PHEX: variants seen among roughly 807,000 people sequenced by gnomAD.
The protein encoded by PHEX is phosphate regulating endopeptidase X-linked, also known as phosphate-regulating neutral endopeptidase PHEX.
In PHEX, 16 loss-of-function variants were observed where a neutral mutation model predicts 68.0. That is an observed-to-expected ratio of 0.24 (90% CI 0.16 to 0.36). The LOEUF is 0.36. Ranked by LOEUF, PHEX falls within the 10% of genes least tolerant of loss-of-function variation. PHEX has a pLI of 1.00. For missense variants in PHEX, 480 were observed against 575.5 expected, an observed-to-expected ratio of 0.83 and a Z score of 1.70; for synonymous variants, 208 against 205.1, an observed-to-expected ratio of 1.01 and a Z score of -0.12.
chrX:22,180,084 T>C (rs1933838758), intron 14 of PHEX, among the ~76,000 whole-genome samples: 1 of 110,429 alleles, frequency 9.1e-6, no homozygotes, highest in Non-Finnish European at 1.9e-5. Flanking sequence ...TAGCTGTCGA[T>C]GTCTCCACTC....
chrX:22,174,212 G>A (rs1223210482), intron 13 of PHEX, among the ~76,000 whole-genome samples: 1 of 112,193 alleles, frequency 8.9e-6, no homozygotes, highest in East Asian at 2.8e-4. Context: ...TTGATTGAAA[G>A]TGATCATCAA....
chrX:22,130,997 C>T (rs1322796029), intron 11 of PHEX, among the ~76,000 whole-genome samples: 1 of 111,114 alleles, frequency 9.0e-6, no homozygotes, highest in Non-Finnish European at 1.9e-5. Flanking sequence ...CCGATGCCCA[C>T]GACGCAGGAT....
chrX:22,245,097 C>T (rs750740225), intron 20 of PHEX, among the ~76,000 whole-genome samples: 5 of 112,129 alleles, frequency 4.5e-5, no homozygotes, highest in African/African-American at 6.5e-5. Context: ...AAGCACTTGT[C>T]TGGAAACCTT....
At chrX:22,238,001 T>C (rs1290125237) in intron 20 of PHEX, among the ~76,000 whole-genome samples, 1 of 112,551 alleles carries the variant, frequency 8.9e-6, no homozygotes, top group East Asian at 2.8e-4. Flanking sequence ...AAGTTGGGTT[T>C]TGGGCCGGGC....
intron 1 of PHEX, among the ~76,000 whole-genome samples, chrX:22,036,532 T>C (rs1259018850): frequency 1.8e-5 from 2 of 111,179 alleles, no homozygotes; most frequent in African/African-American, 3.3e-5. Flanking sequence ...AAGAAGGTAT[T>C]GTCCAGAATT....
intron 3 of PHEX, among the ~76,000 whole-genome samples, chrX:22,056,736 T>C (rs1392916726): frequency 9.4e-6 from 1 of 106,770 alleles, no homozygotes; most frequent in Non-Finnish European, 1.9e-5. Flanking sequence ...CACTCCAGCC[T>C]GCGTGACAGA....
At chrX:22,224,993 G>GATTTATTATCATACA in intron 18 of PHEX, among the ~76,000 whole-genome samples, 3 of 99,033 alleles carry the variant, frequency 3.0e-5, no homozygotes, top group African/African-American at 7.4e-5. Context: ...AGCTCTGTAT[G>GATTTATTATCATACA]TCAGAAGTCT....
intron 14 of PHEX, among the ~76,000 whole-genome samples, chrX:22,185,059 A>G (rs917036469): frequency 8.9e-6 from 1 of 111,900 alleles, no homozygotes; most frequent in African/African-American, 3.2e-5. Flanking sequence ...AGGTGTACCA[A>G]TGTCTTTTTC....
intron 3 of PHEX, among the ~76,000 whole-genome samples, chrX:22,054,244 C>T (rs955456894): frequency 1.8e-5 from 2 of 111,643 alleles, no homozygotes; most frequent in African/African-American, 6.5e-5. Flanking sequence ...AGGTGATTCT[C>T]CTGCCTTGGC....
intron 2 of PHEX, among the ~76,000 whole-genome samples, chrX:22,043,385 G>A (rs1168141506): frequency 1.8e-5 from 2 of 112,134 alleles, no homozygotes; most frequent in East Asian, 5.5e-4. Context: ...CATTTATATG[G>A]TAATGTGCCC....
intron 3 of PHEX, among the ~76,000 whole-genome samples, chrX:22,056,814 G>T (rs181452979): frequency 1.0e-3 from 106 of 106,353 alleles, no homozygotes; most frequent in East Asian, 5.0e-3. Context: ...ATGTCCCCTA[G>T]ACTATCCTCA....
intron 14 of PHEX, 91 bp from the exon 15 acceptor site, chrX:22,190,353 C>T (rs963263430): frequency 1.6e-6 from 1 of 616,693 alleles, no homozygotes; most frequent in Non-Finnish European, 2.8e-6. Context: ...ATGTTATCTG[C>T]TAATAAACCC....
intron 11 of PHEX, among the ~76,000 whole-genome samples, chrX:22,127,918 G>A (rs1931806000): frequency 8.9e-6 from 1 of 111,838 alleles, no homozygotes; most frequent in Admixed American, 9.5e-5. Context: ...TGGAAGAAAA[G>A]GCAGAGGAGG....
At chrX:22,203,541 T>C (rs995650105) in intron 15 of PHEX, among the ~76,000 whole-genome samples, 8 of 111,314 alleles carry the variant, frequency 7.2e-5, no homozygotes, top group Admixed American at 2.9e-4. Context: ...TGAAATCATT[T>C]TACAGCAAAA....
Position 22,099,162 on chromosome X carries a change from T to C in PHEX, c.1079+11T>C. The C allele has an allele frequency of 8.4e-7, 1 of 1,194,100 alleles. No individual in the cohort carries two copies. The highest frequency in any genetic ancestry group is 1.1e-6 in the Non-Finnish European group (1 of 879,347). On this transcript the variant is annotated intron_variant, in intron 9 of 21. Transcript: ENST00000379374. ...GTCTGAGAGAAAGAAGTAAGAACTT[T>C]CACATGAATTTTACTGTGACTTTTG...
At chrX:22,123,838 T>C (rs970057148) in intron 11 of PHEX, among the ~76,000 whole-genome samples, 4 of 107,324 alleles carry the variant, frequency 3.7e-5, no homozygotes, top group African/African-American at 1.0e-4. Context: ...TTTTTCTTTT[T>C]TTTTTTTTTT....
chrX:22,067,272 A>G (rs1486932355), intron 3 of PHEX, among the ~76,000 whole-genome samples: 1 of 110,365 alleles, frequency 9.1e-6, no homozygotes, highest in African/African-American at 3.3e-5. Flanking sequence ...AATACCCTGT[A>G]TGGTATTCTT....
At chrX:22,135,321 G>C (rs931824411) in intron 12 of PHEX, among the ~76,000 whole-genome samples, 1 of 112,028 alleles carries the variant, frequency 8.9e-6, no homozygotes, top group Non-Finnish European at 1.9e-5. Context: ...TTTTATGAAG[G>C]CTTCATTTAT....
intron 12 of PHEX, among the ~76,000 whole-genome samples, chrX:22,134,329 G>A (rs1932142087): frequency 8.9e-6 from 1 of 112,630 alleles, no homozygotes; most frequent in Non-Finnish European, 1.9e-5. Context: ...AGTGGCTCAC[G>A]CCTGTAATAC....
Sources: allele counts gnomAD v4.1 joint callset (sites outside exome capture counted in the v4.1 genomes callset), GRCh38; gene constraint gnomAD v4.1.1; transcripts MANE v1.5; gene names NCBI Gene and HGNC (gene_info 2026-07-23, HGNC 2026-07-21).